The following HOOK1 variants were observed in gnomAD, a reference collection of about 807,000 sequenced individuals.
HOOK1 encodes the protein hook microtubule tethering protein 1, also known as protein Hook homolog 1.
A neutral mutation model predicts 112.8 loss-of-function variants in HOOK1; 60 were observed. The ratio of observed to expected loss-of-function variants is 0.53; its 90% CI spans 0.43 to 0.66. The LOEUF (loss-of-function observed/expected upper bound fraction) is 0.66, where lower values mean the gene tolerates loss of function less well. HOOK1 is among the 30% of genes least tolerant of loss of function. HOOK1 has a pLI of 0.00. For missense variants in HOOK1, 770 were observed against 856.0 expected, an observed-to-expected ratio of 0.90 and a Z score of 1.25; for synonymous variants, 294 against 283.8, an observed-to-expected ratio of 1.04 and a Z score of -0.36.
At chr1:59,870,150 C>T (rs1645920517) in intron 20 of HOOK1, among the ~76,000 whole-genome samples, 1 of 152,154 alleles carries the variant, frequency 6.6e-6, no homozygotes, top group African/African-American at 2.4e-5. Context: ...GTTTATGTCC[C>T]AGTGAAAGTC....
rs138491178 is a variant in HOOK1 at position 59,862,794 on chromosome 1, G to C, written c.1543G>C (p.Glu515Gln). The C allele has an allele frequency of 4.0e-5, 65 of 1,607,998 alleles. No homozygotes were observed. The highest frequency in any genetic ancestry group is 5.4e-5 in the Non-Finnish European group (64 of 1,174,850). The change falls in exon 16 of 22, where the codon GAG (glutamate) becomes CAG (glutamine). Residue 515 changes from glutamate to glutamine, a missense_variant. By Grantham distance (29) the Glu-to-Gln change is conservative. This residue lies in a region of HOOK1 where 655 missense variants were observed against 725.9 expected (regional missense o/e 0.90). Coordinates refer to ENST00000371208, the MANE Select transcript of HOOK1 (RefSeq NM_015888.6). ...CCCATCTTACAATAGGCTGAGCAAA[G>C]AGCGTATTAGAGAATTGCAGCAGCA... Reference protein sequence around the residue: ...ELETEQRLSKERIRELQQQIE... With the variant: ...ELETEQRLSKQRIRELQQQIE...
At chr1:59,868,223 G>A in intron 19 of HOOK1, 27 bp from the exon 20 acceptor site, 1 of 1,170,368 alleles carries the variant, frequency 8.5e-7, no homozygotes, top group Non-Finnish European at 1.3e-6. Context: ...AATATAAAGT[G>A]AACATAGTAT....
intron 10 of HOOK1, 98 bp downstream of exon 10, chr1:59,847,283 T>A: frequency 9.5e-7 from 1 of 1,050,526 alleles, no homozygotes. Flanking sequence ...GGATTATTCC[T>A]GTATATCAAG....
chr1:59,833,661 G>T, intron 5 of HOOK1, 124 bp downstream of exon 5: 3 of 765,804 alleles, frequency 3.9e-6, no homozygotes, highest in Non-Finnish European at 5.7e-6. Context: ...TAAACCAGAA[G>T]ATCTGAATTC....
At chr1:59,846,350 T>G (rs1359779837) in intron 9 of HOOK1, among the ~76,000 whole-genome samples, 1 of 151,716 alleles carries the variant, frequency 6.6e-6, no homozygotes, top group Non-Finnish European at 1.5e-5. Flanking sequence ...GTTCATCAGT[T>G]TTCTTAATCT....
intron 12 of HOOK1, among the ~76,000 whole-genome samples, chr1:59,852,655 T>C (rs1256841569): frequency 6.6e-6 from 1 of 151,604 alleles, no homozygotes; most frequent in Non-Finnish European, 1.5e-5. Flanking sequence ...TTTACTCTAA[T>C]CTTTAATAAT....
chr1:59,845,770 A>G (rs1432826232), intron 9 of HOOK1, among the ~76,000 whole-genome samples: 1 of 151,842 alleles, frequency 6.6e-6, no homozygotes, highest in Non-Finnish European at 1.5e-5. Flanking sequence ...GATTCAGTTA[A>G]TAATTTGAAA....
chr1:59,833,736 A>G (rs1010308302), intron 5 of HOOK1, among the ~76,000 whole-genome samples, 199 bp downstream of exon 5: 1 of 152,176 alleles, frequency 6.6e-6, no homozygotes, highest in African/African-American at 2.4e-5. Context: ...GGATTCTGAT[A>G]TTCATATTCA....
intron 19 of HOOK1, among the ~76,000 whole-genome samples, 165 bp from the exon 20 acceptor site, chr1:59,868,080 ATGAGT>A (rs1486077787): frequency 6.6e-6 from 1 of 152,176 alleles, no homozygotes; most frequent in Non-Finnish European, 1.5e-5. Context: ...TGTATATAGA[ATGAGT>A]TATTTTTGTT....
chr1:59,838,900 T>A (rs1260750452), intron 7 of HOOK1, among the ~76,000 whole-genome samples: 2 of 152,216 alleles, frequency 1.3e-5, no homozygotes, highest in Non-Finnish European at 2.9e-5. Context: ...GGGTCCAGTT[T>A]CAGTTTTCTG....
At position 59,871,067 on chromosome 1, in the gene HOOK1, G is replaced by GT; in HGVS notation, c.1974dup (p.Asp659Ter). 6.2e-7 allele frequency: 1 copy of GT among 1,611,204 alleles called. No individual in the cohort carries two copies. The highest frequency in any genetic ancestry group is 8.5e-7 in the Non-Finnish European group (1 of 1,177,904). On this transcript the variant is annotated frameshift_variant, in exon 21 of 22. Coordinates refer to ENST00000371208, the MANE Select transcript of HOOK1 (RefSeq NM_015888.6). LOFTEE classifies it high-confidence loss of function. Reference sequence around the variant, plus strand: ...AGTGAATGCAAAGTAGCAAAATTCCGTGATTATGAAGAAAAACTCATTGTT... The same window carrying GT: ...AGTGAATGCAAAGTAGCAAAATTCCGTTGATTATGAAGAAAAACTCATTGTT...
intron 9 of HOOK1, among the ~76,000 whole-genome samples, chr1:59,846,592 T>TCCTC (rs1553462817): frequency 2.3e-5 from 1 of 43,348 alleles, no homozygotes; most frequent in Admixed American, 2.6e-4. Context: ...CCTTCCTCCC[T>TCCTC]CCTCCCTCCC....
intron 2 of HOOK1, among the ~76,000 whole-genome samples, chr1:59,825,433 C>A (rs955932598): frequency 6.6e-6 from 1 of 152,134 alleles, no homozygotes; most frequent in Non-Finnish European, 1.5e-5. Flanking sequence ...CCTTAAGAAT[C>A]ATGCATTTAT....
chr1:59,815,383 G>T, intron 1 of HOOK1: 1 of 592,318 alleles, frequency 1.7e-6, no homozygotes, highest in Non-Finnish European at 3.0e-6. Flanking sequence ...TCCGGGGGTG[G>T]GGGTAAAGGA....
Position 59,840,314 on chromosome 1 carries a change from A to T in HOOK1, c.544A>T (p.Arg182Ter). The T allele has an allele frequency of 6.4e-7, 1 of 1,571,964 alleles. No individual in the cohort carries two copies. The highest frequency in any genetic ancestry group is 8.6e-7 in the Non-Finnish European group (1 of 1,162,832). The change falls in exon 8 of 22, where the codon AGA (arginine) becomes TGA (stop). Residue 182 changes from arginine to a stop codon, truncating the protein, a stop_gained. Coordinates refer to ENST00000371208, the MANE Select transcript of HOOK1 (RefSeq NM_015888.6). LOFTEE classifies it high-confidence loss of function. Reference protein sequence around the residue: ...AVGELEQQLKRALEELQEALA... With the variant: ...AVGELEQQLK ...AGGACATTTTGTATTTCAGCTTAAA[A>T]GAGCCTTGGAAGAACTTCAGGAAGC... is the stretch of plus-strand genomic sequence containing the variant.
At position 59,833,459 on chromosome 1, in the gene HOOK1, G is replaced by T. The variant is rs905424437; in HGVS notation, c.328G>T (p.Glu110Ter). ...TATCCCTGATTTAAACCAAATAACCGAATGTTCAGATCCAGTGGAGCTTGG... is the reference window on the plus strand; with the variant it reads ...TATCCCTGATTTAAACCAAATAACCTAATGTTCAGATCCAGTGGAGCTTGG... The part of the protein sequence containing the change: ...ALIPDLNQIT[E>*]CSDPVELGRL... Residue 110 changes from glutamate to a stop codon, truncating the protein, a stop_gained, in exon 5 of 22, where the codon GAA (glutamate) becomes TAA (stop). Coordinates refer to ENST00000371208, the MANE Select transcript of HOOK1 (RefSeq NM_015888.6). LOFTEE classifies it high-confidence loss of function. 1.3e-6 allele frequency: 2 copies of T among 1,584,928 alleles called. No individual in the cohort carries two copies. Among genetic ancestry groups the T allele is most frequent in the Non-Finnish European group, 1.7e-6 (2 of 1,160,868 alleles).
At chr1:59,819,637 A>C (rs1439749772) in intron 1 of HOOK1, among the ~76,000 whole-genome samples, 1 of 152,218 alleles carries the variant, frequency 6.6e-6, no homozygotes, top group Non-Finnish European at 1.5e-5. Flanking sequence ...TCATGGAGGT[A>C]GTCCCTTAGC....
intron 20 of HOOK1, among the ~76,000 whole-genome samples, chr1:59,870,318 CA>C (rs1454228738): frequency 6.6e-6 from 1 of 152,156 alleles, no homozygotes; most frequent in Non-Finnish European, 1.5e-5. Context: ...ACACACACTG[CA>C]AAAAGTAAAA....
intron 6 of HOOK1, among the ~76,000 whole-genome samples, 183 bp from the exon 7 acceptor site, chr1:59,836,690 C>G (rs761500163): frequency 6.6e-6 from 1 of 152,072 alleles, no homozygotes; most frequent in Non-Finnish European, 1.5e-5. Flanking sequence ...CACTAATATG[C>G]TTGAATTTGT....
Sources: allele counts gnomAD v4.1 joint callset (sites outside exome capture counted in the v4.1 genomes callset), GRCh38; gene constraint gnomAD v4.1.1; regional missense constraint gnomAD v4.1.1; transcripts MANE v1.5; gene names NCBI Gene and HGNC (gene_info 2026-07-23, HGNC 2026-07-21).